NAV2: variants seen among roughly 807,000 people sequenced by gnomAD.
The protein encoded by NAV2 is neuron navigator 2.
NAV2 carries 54 observed loss-of-function variants against 223.2 expected under a neutral mutation model. The observed-to-expected ratio is 0.24, with a 90% CI of 0.19 to 0.30. The LOEUF (loss-of-function observed/expected upper bound fraction) is 0.30, where lower values mean the gene tolerates loss of function less well. Among genes scored for constraint, NAV2 ranks in the 10% least tolerant of loss-of-function variants. The pLI is 1.00. For missense variants in NAV2, 2,806 were observed against 3,147.5 expected, an observed-to-expected ratio of 0.89 and a Z score of 2.60; for synonymous variants, 1,279 against 1,239.3, an observed-to-expected ratio of 1.03 and a Z score of -0.67.
At chr11:19,735,069 T>C (rs765508978) in intron 1 of NAV2, among the ~76,000 whole-genome samples, 3 of 152,188 alleles carry the variant, frequency 2.0e-5, no homozygotes, top group Non-Finnish European at 4.4e-5. Flanking sequence ...GATAATAGTG[T>C]TGAGAGGAGT....
chr11:19,553,308 T>A (rs1275972076), intron 1 of NAV2, among the ~76,000 whole-genome samples: 4 of 152,206 alleles, frequency 2.6e-5, no homozygotes, highest in Non-Finnish European at 4.4e-5. Flanking sequence ...GCTTCTCACT[T>A]GTTAATTTCA....
intron 1 of NAV2, among the ~76,000 whole-genome samples, chr11:19,737,263 A>G (rs2052403681): frequency 6.6e-6 from 1 of 152,222 alleles, no homozygotes; most frequent in Non-Finnish European, 1.5e-5. Flanking sequence ...GAGCATGGAA[A>G]CCAGAAAATA....
chr11:19,618,653 A>G (rs1428431358), intron 1 of NAV2, among the ~76,000 whole-genome samples: 4 of 152,160 alleles, frequency 2.6e-5, no homozygotes, highest in Non-Finnish European at 5.9e-5. Context: ...GGAGCCATAG[A>G]TTTGACATGC....
intron 1 of NAV2, among the ~76,000 whole-genome samples, chr11:19,379,455 C>T (rs1202530060): frequency 6.6e-6 from 1 of 152,200 alleles, no homozygotes; most frequent in Non-Finnish European, 1.5e-5. Flanking sequence ...CACATCTGTA[C>T]ATCATACTTG....
At chr11:19,963,520 G>A (rs532873257) in intron 10 of NAV2, among the ~76,000 whole-genome samples, 25 of 152,316 alleles carry the variant, frequency 1.6e-4, no homozygotes, top group African/African-American at 5.8e-4. Context: ...GCCATTTGAA[G>A]GAGCTATGAA....
rs551437710 is a variant in NAV2 at position 19,878,449 on chromosome 11, T to G, written c.512-1420T>G. On this transcript the variant is annotated intron_variant, in intron 4 of 37. Transcript: ENST00000349880. ...AGCGGTGTCCGTATTGCCCTTTTAC[T>G]GAGGCCCGGAGAGATTAAGTGACTT... Among the ~76,000 whole-genome samples, 4 of 152,306 alleles carry G rather than the reference T, an allele frequency of 2.6e-5. No individual in the cohort carries two copies. The South Asian group carries it at 8.3e-4, about 32-fold the overall frequency.
intron 34 of NAV2, 90 bp from the exon 35 acceptor site, chr11:20,105,441 C>T: frequency 9.4e-7 from 1 of 1,058,564 alleles, no homozygotes; most frequent in Non-Finnish European, 1.4e-6. Flanking sequence ...AGCATATACA[C>T]CTTCTGTTTC....
At chr11:19,810,041 A>G (rs1234770165) in intron 1 of NAV2, among the ~76,000 whole-genome samples, 1 of 152,188 alleles carries the variant, frequency 6.6e-6, no homozygotes, top group African/African-American at 2.4e-5. Flanking sequence ...CCCACACTTA[A>G]CCTTGAGAGC....
At chr11:19,504,341 A>G (rs1209142490) in intron 1 of NAV2, 1 of 152,252 alleles carries the variant, frequency 6.6e-6, no homozygotes, top group African/African-American at 2.4e-5. Flanking sequence ...TGATGGTGAC[A>G]TTAAGATCTT....
At chr11:19,839,506 A>T (rs2060403642) in intron 2 of NAV2, among the ~76,000 whole-genome samples, 1 of 152,212 alleles carries the variant, frequency 6.6e-6, no homozygotes, top group Admixed American at 6.5e-5. Flanking sequence ...CTCTGAACAC[A>T]ACCAGGAAAT....
At chr11:19,866,543 G>T (rs546753509) in intron 3 of NAV2, among the ~76,000 whole-genome samples, 46 of 152,320 alleles carry the variant, frequency 3.0e-4, no homozygotes, top group African/African-American at 1.1e-3. Flanking sequence ...GAATTGAAAT[G>T]TATCAAGGCT....
intron 36 of NAV2, among the ~76,000 whole-genome samples, chr11:20,109,359 A>G (rs756378981): frequency 3.9e-5 from 6 of 152,258 alleles, no homozygotes; most frequent in Non-Finnish European, 5.9e-5. Flanking sequence ...GCAGAGCTCT[A>G]TCAACTGTTG....
At chr11:19,407,764 G>A (rs574451130) in intron 1 of NAV2, among the ~76,000 whole-genome samples, 2 of 146,884 alleles carry the variant, frequency 1.4e-5, no homozygotes, top group South Asian at 2.2e-4. Flanking sequence ...TTCCACACTC[G>A]GCATTTTGTG....
At chr11:19,918,125 C>A (rs2043962363) in intron 6 of NAV2, among the ~76,000 whole-genome samples, 1 of 152,258 alleles carries the variant, frequency 6.6e-6, no homozygotes, top group Non-Finnish European at 1.5e-5. Flanking sequence ...GTCCATCAAG[C>A]CCAGTGCACC....
rs968272214 is a variant in NAV2 at position 20,049,845 on chromosome 11, T to C, written c.4380T>C (p.Ser1460=). The change falls in exon 16 of 38, where the codon TCT becomes TCC. Residue 1460 remains serine, a synonymous_variant. Coordinates refer to ENST00000349880, the MANE Select transcript of NAV2 (RefSeq NM_145117.5). The part of the protein sequence containing the change: ...VKTTLSESPL[S]SPAASPKFCR... ...CTGCCTGGACTTCTAGCCCTCTCTCTTCCCCTGCTGCTAGCCCTAAGTTCT... is the reference window on the plus strand; with the variant it reads ...CTGCCTGGACTTCTAGCCCTCTCTCCTCCCCTGCTGCTAGCCCTAAGTTCT... The C allele has an allele frequency of 6.2e-7, 1 of 1,614,146 alleles. No homozygotes were observed. Among genetic ancestry groups the C allele is most frequent in the Non-Finnish European group, 8.5e-7 (1 of 1,179,988 alleles).
At chr11:20,110,019 C>T (rs967226696) in intron 36 of NAV2, among the ~76,000 whole-genome samples, 3 of 152,228 alleles carry the variant, frequency 2.0e-5, no homozygotes, top group Non-Finnish European at 4.4e-5. Context: ...CCCTTCCCAC[C>T]TAGGAGAGGT....
At chr11:19,555,451 G>GC (rs2044852172) in intron 1 of NAV2, among the ~76,000 whole-genome samples, 1 of 152,136 alleles carries the variant, frequency 6.6e-6, no homozygotes, top group African/African-American at 2.4e-5. Flanking sequence ...AGACCTGGGG[G>GC]GGGCTCTGGG....
rs906950444 is a variant in NAV2, at chr11:20,078,024, T to C, written c.5099T>C (p.Ile1700Thr). ...DSELNELRKT[I>T]ELLKKQNAAA... is the part of the protein sequence containing the mutation. ...GAACTGAATGAGTTAAGAAAAACCA[T>C]TGAGCTGCTAAAGAAACAGAACGCA... Residue 1700 changes from isoleucine (I) to threonine (T), a missense_variant, in exon 24 of 38, where the codon ATT (isoleucine) becomes ACT (threonine). Physicochemically the swap from Ile to Thr is moderately conservative, Grantham distance 89. This residue lies in a region of NAV2 where 824 missense variants were observed against 1,069.4 expected (regional missense o/e 0.77). Coordinates refer to ENST00000349880, the MANE Select transcript of NAV2 (RefSeq NM_145117.5). 8.7e-6 allele frequency: 14 copies of C among 1,613,356 alleles called. No homozygotes were observed. Among genetic ancestry groups the C allele is most frequent in the East Asian group, 2.2e-5 (1 of 44,844 alleles).
chr11:19,484,269 T>C (rs754327124), intron 1 of NAV2, among the ~76,000 whole-genome samples: 1 of 152,206 alleles, frequency 6.6e-6, no homozygotes, highest in Non-Finnish European at 1.5e-5. Context: ...GGAAGGTACT[T>C]TGGGGTCGGT....
Sources: gnomAD v4.1 joint callset for allele counts (sites outside exome capture counted in the v4.1 genomes callset) on GRCh38, gnomAD v4.1.1 for gene constraint, gnomAD v4.1.1 regional missense constraint, MANE v1.5 for transcripts, NCBI Gene and HGNC (gene_info 2026-07-23, HGNC 2026-07-21) for gene names.